HEXB: variants seen among roughly 807,000 people sequenced by gnomAD.
HEXB encodes the protein beta-hexosaminidase subunit beta.
Under a neutral mutation model 71.2 loss-of-function variants are expected in HEXB, and 51 were observed. The ratio of observed to expected loss-of-function variants is 0.72; its 90% CI spans 0.57 to 0.90. The LOEUF (loss-of-function observed/expected upper bound fraction) is 0.90. HEXB is among the 40% of genes least tolerant of loss of function. The pLI is 0.00. For synonymous variants in HEXB, 266 were observed against 249.3 expected (o/e 1.07, Z -0.63); for missense variants, 617 against 677.0 (o/e 0.91, Z 0.98).
At chr5:74,661,030 G>GAT (rs1278976560) in intron 1 of HEXB, among the ~76,000 whole-genome samples, 1 of 151,666 alleles carries the variant, frequency 6.6e-6, no homozygotes, top group African/African-American at 2.4e-5. Flanking sequence ...GAGAGAGAGA[G>GAT]ATAGAGAGAG....
rs368042639 is a variant in HEXB at position 74,641,833 on chromosome 5, G to A, written c.-377+1275G>A. Among the ~76,000 whole-genome samples the A allele has an allele frequency of 2.6e-5, 4 of 152,166 alleles. No homozygotes were observed. Among genetic ancestry groups the A allele is most frequent in the Non-Finnish European group, 4.4e-5 (3 of 68,034 alleles). On this transcript the variant is annotated intron_variant, in intron 1 of 13. Transcript: ENST00000511181. The surrounding 1 kb of genome is among the most constrained non-coding windows in gnomAD (Gnocchi z 4.1). Reference sequence around the variant, plus strand: ...AAGTCTATAAATGAACGGGATAGATGACCGGTCCAGCCCCCTTGTTTTACA... The same window carrying A: ...AAGTCTATAAATGAACGGGATAGATAACCGGTCCAGCCCCCTTGTTTTACA...
intron 11 of HEXB, chr5:74,720,199 A>G: frequency 1.8e-6 from 1 of 562,820 alleles, no homozygotes; most frequent in Non-Finnish European, 3.2e-6. Flanking sequence ...CGTGCTGTGA[A>G]CCGTGGGTCA....
At chr5:74,663,661 T>G (rs2112092061) in intron 1 of HEXB, among the ~76,000 whole-genome samples, 1 of 152,330 alleles carries the variant, frequency 6.6e-6, no homozygotes, top group African/African-American at 2.4e-5. Flanking sequence ...GGTTTCAAAG[T>G]CAGGCAGAAT....
At chr5:74,653,433 C>G (rs4704150) in intron 1 of HEXB, among the ~76,000 whole-genome samples, 41,380 of 152,116 alleles carry the variant, frequency 0.27, 6,151 homozygotes, top group Admixed American at 0.37. Context: ...TCTGCTCCCA[C>G]CTGAAACAAC....
At chr5:74,712,154 C>A (rs1418669693) in intron 6 of HEXB, among the ~76,000 whole-genome samples, 1 of 146,854 alleles carries the variant, frequency 6.8e-6, no homozygotes, top group Admixed American at 6.9e-5. Flanking sequence ...AATTGGAAAT[C>A]ATCATTCTCA....
chr5:74,672,606 T>A (rs1470861406), intron 1 of HEXB, among the ~76,000 whole-genome samples: 2 of 152,166 alleles, frequency 1.3e-5, no homozygotes, highest in Admixed American at 1.3e-4. Flanking sequence ...CTAGACTTCT[T>A]TAAAAGGGAG....
At chr5:74,706,471 C>T (rs1032555483) in intron 6 of HEXB, among the ~76,000 whole-genome samples, 1 of 152,196 alleles carries the variant, frequency 6.6e-6, no homozygotes, top group African/African-American at 2.4e-5. Context: ...GCGCATCATG[C>T]GCGAGCCGAA....
intron 1 of HEXB, among the ~76,000 whole-genome samples, chr5:74,642,198 A>G (rs935858677): frequency 1.3e-5 from 2 of 152,198 alleles, no homozygotes; most frequent in Admixed American, 1.3e-4. Context: ...AAACAAAGAA[A>G]GACAGTGCCC....
chr5:74,665,630 G>C (rs1748418894), intron 1 of HEXB, among the ~76,000 whole-genome samples: 1 of 152,094 alleles, frequency 6.6e-6, no homozygotes, highest in South Asian at 2.1e-4. Context: ...TGAATAGCAA[G>C]TTTGATGAAA....
At chr5:74,698,817 T>G (rs1367547274) in intron 5 of HEXB, among the ~76,000 whole-genome samples, 1 of 152,218 alleles carries the variant, frequency 6.6e-6, no homozygotes, top group Non-Finnish European at 1.5e-5. Context: ...AAATAGGCAG[T>G]CATCCCATAA....
Position 74,693,664 on chromosome 5 carries a change from G to A in HEXB, c.471G>A (p.Val157=), listed in dbSNP as rs918729308. The A allele has an allele frequency of 4.3e-6, 7 of 1,612,822 alleles. No individual in the cohort carries two copies. The highest frequency in any genetic ancestry group is 5.9e-6 in the Non-Finnish European group (7 of 1,178,916). ...ESYTLLVKEP[V]AVLKANRVWG... ...ATACTTTACTTGTGAAAGAACCAGT[G>A]GCTGTCCTTAAGGCCAACAGAGTTT... Residue 157 remains valine, a synonymous_variant, in exon 3 of 14, where the codon GTG becomes GTA. Transcript: ENST00000261416.
Position 74,721,243 on chromosome 5 carries a change from T to A in HEXB, c.*68T>A. Reference sequence around the variant, plus strand: ...AACTTTATTTTGAAATCATGTAAAATAAGATATTAGACTGTTTTTTGAATA... The same window carrying A: ...AACTTTATTTTGAAATCATGTAAAAAAAGATATTAGACTGTTTTTTGAATA... On this transcript the variant is annotated 3_prime_UTR_variant, in exon 14 of 14. Coordinates refer to ENST00000261416, the MANE Select transcript of HEXB (RefSeq NM_000521.4). The A allele has an allele frequency of 1.6e-6, 2 of 1,231,444 alleles. No individual in the cohort carries two copies. Among genetic ancestry groups the A allele is most frequent in the Non-Finnish European group, 2.4e-6 (2 of 833,560 alleles). 76.3% of individuals were successfully genotyped at this position (1,231,444 alleles called of 1,614,324 possible). A position where few individuals can be genotyped will look rare whatever the true frequency, so the allele number is the denominator to read the frequency against.
intron 1 of HEXB, among the ~76,000 whole-genome samples, chr5:74,670,169 C>T (rs1215865609): frequency 1.3e-5 from 2 of 152,042 alleles, no homozygotes; most frequent in Non-Finnish European, 2.9e-5. Flanking sequence ...TTACATATAC[C>T]TACACTTCCC....
chr5:74,685,211 G>T (rs1417392934), upstream of HEXB: 2 of 1,462,374 alleles, frequency 1.4e-6, no homozygotes, highest in Non-Finnish European at 1.8e-6. Context: ...CGGGAAGTCG[G>T]GTCCCGAGGC....
At chr5:74,659,026 T>A (rs1046853250) in intron 1 of HEXB, among the ~76,000 whole-genome samples, 1 of 152,196 alleles carries the variant, frequency 6.6e-6, no homozygotes, top group Non-Finnish European at 1.5e-5. Context: ...CAGTACAATA[T>A]GTAGCTTTCT....
chr5:74,704,635 A>G (rs1326996487), intron 5 of HEXB, among the ~76,000 whole-genome samples: 1 of 152,194 alleles, frequency 6.6e-6, no homozygotes, highest in Non-Finnish European at 1.5e-5. Flanking sequence ...CATTCTTGGC[A>G]GACTGCTACA....
intron 1 of HEXB, among the ~76,000 whole-genome samples, chr5:74,664,026 C>A (rs898775306): frequency 6.6e-6 from 1 of 152,118 alleles, no homozygotes; most frequent in Admixed American, 6.5e-5. Context: ...GAGGCCGAGG[C>A]AGGTGGATCA....
intron 5 of HEXB, among the ~76,000 whole-genome samples, chr5:74,697,661 G>T (rs1350753910): frequency 6.0e-5 from 9 of 149,548 alleles, no homozygotes; most frequent in African/African-American, 2.2e-4. Context: ...TCCCCGGGTG[G>T]AGGTTGCAGT....
intron 5 of HEXB, among the ~76,000 whole-genome samples, chr5:74,703,750 C>A (rs1749315805): frequency 6.6e-6 from 1 of 152,178 alleles, no homozygotes; most frequent in Admixed American, 6.5e-5. Context: ...ACTGCAGTCT[C>A]AACCTCCCAG....
Sources: allele counts gnomAD v4.1 joint callset (sites outside exome capture counted in the v4.1 genomes callset), GRCh38; gene constraint gnomAD v4.1.1; non-coding constraint Gnocchi (gnomAD v3.1); transcripts MANE v1.5; gene names NCBI Gene and HGNC (gene_info 2026-07-23, HGNC 2026-07-21).